ARHGAP32: variants seen among roughly 807,000 people sequenced by gnomAD.
ARHGAP32 encodes rho GTPase-activating protein 32.
In ARHGAP32, 51 loss-of-function variants were observed where a neutral mutation model predicts 186.5. That is an observed-to-expected ratio of 0.27 (90% CI 0.22 to 0.35). ARHGAP32 has a LOEUF of 0.35. Ranked by LOEUF, ARHGAP32 falls within the 10% of genes least tolerant of loss-of-function variation. The probability of loss-of-function intolerance (pLI) is 1.00; values close to 1 mark genes in which losing one functional copy is unlikely to be tolerated. For synonymous variants in ARHGAP32, 950 were observed against 964.3 expected, an observed-to-expected ratio of 0.99 and a Z score of 0.27; for missense variants, 2,186 against 2,623.5, an observed-to-expected ratio of 0.83 and a Z score of 3.64.
chr11:129,171,429 T>C (rs1002151438), intron 1 of ARHGAP32, among the ~76,000 whole-genome samples: 3 of 152,142 alleles, frequency 2.0e-5, no homozygotes, highest in Non-Finnish European at 2.9e-5. Flanking sequence ...GAATAGGAGA[T>C]CTCTTTCCCA....
intron 1 of ARHGAP32, among the ~76,000 whole-genome samples, chr11:129,220,648 T>C (rs1944700292): frequency 1.3e-5 from 2 of 152,164 alleles, no homozygotes; most frequent in African/African-American, 2.4e-5. Context: ...TGCATCACAA[T>C]GACCTGCAAA....
chr11:129,094,780 G>C (rs1941684383), intron 5 of ARHGAP32, among the ~76,000 whole-genome samples: 1 of 152,058 alleles, frequency 6.6e-6, no homozygotes, highest in Non-Finnish European at 1.5e-5. Flanking sequence ...ATTTGCAAAC[G>C]CGGTCCCAGA....
chr11:129,029,046 T>G (rs1938983661), intron 11 of ARHGAP32, among the ~76,000 whole-genome samples: 1 of 152,024 alleles, frequency 6.6e-6, no homozygotes, highest in Non-Finnish European at 1.5e-5. Flanking sequence ...TGAAGAAAAA[T>G]TAAAAGATTT....
intron 5 of ARHGAP32, among the ~76,000 whole-genome samples, chr11:129,111,659 T>C (rs529504026): frequency 2.0e-5 from 3 of 152,220 alleles, no homozygotes; most frequent in Non-Finnish European, 4.4e-5. Context: ...ATCCGTTTCT[T>C]CTTGGTCTTC....
At position 128,968,951 on chromosome 11, in the gene ARHGAP32, C is replaced by G. The variant is rs1242273879; in HGVS notation, c.6262G>C (p.Glu2088Gln). 1 of 1,561,212 alleles carries G rather than the reference C, an allele frequency of 6.4e-7. No individual in the cohort carries two copies. Among genetic ancestry groups the G allele is most frequent in the Non-Finnish European group, 8.7e-7 (1 of 1,149,254 alleles). ...ALGQGAFLPA[E>Q]LSLQHPETQI... ...GTTTCAGGATGCTGCAAGGACAACT[C>G]TGCGGGCAGGAAGGCCCCTTGACCC... Residue 2088 changes from glutamate (E) to glutamine (Q), a missense_variant, in exon 23 of 23, where the codon GAG becomes CAG. Glu to Gln is a conservative substitution (Grantham distance 29). Around this residue, in one of 5 missense-constraint regions of ARHGAP32, gnomAD observed 1,502 missense variants for 1,570.0 expected, o/e 0.96. Transcript: ENST00000682385.
At position 128,969,609 on chromosome 11, in the gene ARHGAP32, G is replaced by C. The variant is rs745771285; in HGVS notation, c.5604C>G (p.Ser1868=). The change falls in exon 23 of 23, where the codon TCC becomes TCG. Residue 1868 remains serine (S), a synonymous_variant. Coordinates refer to ENST00000682385, the MANE Select transcript of ARHGAP32 (RefSeq NM_001378024.1). This position sits in a 1 kb window ranked among gnomAD's most constrained non-coding sequence, Gnocchi z 4.8. ...GHGSTQPEKP[S]LPQKQSSLRS... ...TCAGGCTGCTCTGCTTCTGAGGCAGGGATGGCTTCTCCGGCTGCGTGCTAC... is the reference window on the plus strand; with the variant it reads ...TCAGGCTGCTCTGCTTCTGAGGCAGCGATGGCTTCTCCGGCTGCGTGCTAC... 1 of 1,614,144 alleles carries C rather than the reference G, an allele frequency of 6.2e-7. No homozygotes were observed. Among genetic ancestry groups the C allele is most frequent in the Non-Finnish European group, 8.5e-7 (1 of 1,180,040 alleles).
Position 129,164,361 on chromosome 11 carries a change from G to T in ARHGAP32, c.183C>A (p.His61Gln), listed in dbSNP as rs747774138. 2 of 1,583,962 alleles carry T rather than the reference G, an allele frequency of 1.3e-6. No individual in the cohort carries two copies. Among genetic ancestry groups the T allele is most frequent in the Non-Finnish European group, 1.7e-6 (2 of 1,163,624 alleles). ...CTTCCCAATCAGGCCGCTCTCGAGG[G>T]TGTACATTTCTATGTAGCTCTGGAA... The part of the protein sequence containing the change: ...DFVPELHRNV[H>Q]PRERPDWEET... Residue 61 changes from histidine (H) to glutamine (Q), a missense_variant, in exon 2 of 23, where the codon CAC becomes CAA. Physicochemically the swap from His to Gln is conservative, Grantham distance 24. This residue lies in a region of ARHGAP32 where 108 missense variants were observed against 116.8 expected (regional missense o/e 0.92). Coordinates refer to ENST00000682385, the MANE Select transcript of ARHGAP32 (RefSeq NM_001378024.1).
At chr11:129,139,279 CTTATTAAT>C (rs1942998511) in intron 2 of ARHGAP32, among the ~76,000 whole-genome samples, 1 of 152,096 alleles carries the variant, frequency 6.6e-6, no homozygotes, top group African/African-American at 2.4e-5. Flanking sequence ...AAAACTCAGT[CTTATTAAT>C]TAAACAGCAA....
chr11:129,058,707 C>A (rs139921104), intron 10 of ARHGAP32, among the ~76,000 whole-genome samples: 40 of 152,244 alleles, frequency 2.6e-4, no homozygotes, highest in African/African-American at 7.7e-4. Flanking sequence ...TGAGGTTCTG[C>A]GCATGATTCT....
chr11:129,172,107 T>C (rs1323335884), intron 1 of ARHGAP32, among the ~76,000 whole-genome samples: 1 of 152,196 alleles, frequency 6.6e-6, no homozygotes, highest in South Asian at 2.1e-4. Context: ...AATCATGTCA[T>C]CTGCAAACAG....
At position 128,968,949 on chromosome 11, in the gene ARHGAP32, C is replaced by T. The variant is rs780352905; in HGVS notation, c.6264G>A (p.Glu2088=). The change falls in exon 23 of 23, where the codon GAG becomes GAA. Residue 2088 remains glutamate, a synonymous_variant. Transcript: ENST00000682385. ...GTGTTTCAGGATGCTGCAAGGACAACTCTGCGGGCAGGAAGGCCCCTTGAC... is the reference window on the plus strand; with the variant it reads ...GTGTTTCAGGATGCTGCAAGGACAATTCTGCGGGCAGGAAGGCCCCTTGAC... The part of the protein sequence containing the change: ...ALGQGAFLPA[E]LSLQHPETQI... The T allele has an allele frequency of 3.8e-6, 6 of 1,559,026 alleles. No individual in the cohort carries two copies. The highest frequency in any genetic ancestry group is 5.2e-6 in the Non-Finnish European group (6 of 1,148,272).
intron 1 of ARHGAP32, among the ~76,000 whole-genome samples, chr11:129,241,395 T>C (rs7933000): frequency 0.3 from 45,428 of 152,034 alleles, 7,125 homozygotes; most frequent in Middle Eastern, 0.4. Flanking sequence ...TATAATCCAG[T>C]GCTTTGGGAG....
At chr11:129,262,811 C>T (rs1347647908) in intron 1 of ARHGAP32, among the ~76,000 whole-genome samples, 1 of 152,118 alleles carries the variant, frequency 6.6e-6, no homozygotes, top group African/African-American at 2.4e-5. Flanking sequence ...ACCCTAAAAA[C>T]CTTCACTTTA....
At chr11:129,134,604 A>G (rs1942895073) in intron 2 of ARHGAP32, among the ~76,000 whole-genome samples, 2 of 152,250 alleles carry the variant, frequency 1.3e-5, no homozygotes, top group African/African-American at 4.8e-5. Flanking sequence ...TGAAGAAAAC[A>G]TCAAATACCT....
chr11:129,174,323 G>A (rs1337925103), intron 1 of ARHGAP32, among the ~76,000 whole-genome samples: 1 of 152,200 alleles, frequency 6.6e-6, no homozygotes, highest in Non-Finnish European at 1.5e-5. Context: ...TGCTAGCACA[G>A]CAGTCTGAGA....
intron 1 of ARHGAP32, among the ~76,000 whole-genome samples, chr11:129,173,066 A>G (rs1026141665): frequency 1.3e-5 from 2 of 151,768 alleles, no homozygotes; most frequent in East Asian, 3.9e-4. Flanking sequence ...ACAAAAAACC[A>G]CTAGCTAGAC....
chr11:129,135,389 T>C lies in ARHGAP32; in HGVS notation c.226-10495A>G, dbSNP rs1942913381. On this transcript the variant is annotated intron_variant, in intron 2 of 22. Coordinates refer to ENST00000682385, the MANE Select transcript of ARHGAP32 (RefSeq NM_001378024.1). Reference sequence around the variant, plus strand: ...GCCAACAATATGGTTATCTGACTCATGACAAAGGCACCACCGCAATTAAGT... The same window carrying C: ...GCCAACAATATGGTTATCTGACTCACGACAAAGGCACCACCGCAATTAAGT... Among the ~76,000 whole-genome samples the C allele has an allele frequency of 2.6e-5, 4 of 152,324 alleles. No homozygotes were observed. The South Asian group carries it at 8.3e-4, about 32-fold the overall frequency.
chr11:129,193,664 TATTATATATAATATATAA>T (rs1944338379), upstream of ARHGAP32, among the ~76,000 whole-genome samples: 1 of 63,212 alleles, frequency 1.6e-5, no homozygotes, highest in Non-Finnish European at 2.9e-5. Context: ...ATACAATATA[TATTATATATAATATATAA>T]TATATATTAT....
intron 5 of ARHGAP32, among the ~76,000 whole-genome samples, chr11:129,110,910 G>A (rs995417285): frequency 6.6e-6 from 1 of 152,108 alleles, no homozygotes; most frequent in East Asian, 1.9e-4. Flanking sequence ...CAATTTAGAT[G>A]CTTTTTTATT....
Sources: gnomAD v4.1 joint callset for allele counts (sites outside exome capture counted in the v4.1 genomes callset) on GRCh38, gnomAD v4.1.1 for gene constraint, gnomAD v4.1.1 regional missense constraint, Gnocchi (gnomAD v3.1) non-coding constraint, MANE v1.5 for transcripts, NCBI Gene and HGNC (gene_info 2026-07-23, HGNC 2026-07-21) for gene names.